The following CTXN2 variants were observed in gnomAD, a reference collection of about 807,000 sequenced individuals.
CTXN2 encodes cortexin-2.
In CTXN2, 3 loss-of-function variants were observed where a neutral mutation model predicts 5.7. The observed-to-expected ratio is 0.53, with a 90% confidence interval of 0.24 to 1.36. CTXN2 has a LOEUF of 1.36. CTXN2 is among the 40% of genes most tolerant of loss of function. CTXN2 has a pLI of 0.17. For synonymous variants in CTXN2, 38 were observed against 36.4 expected (o/e 1.04, Z -0.16); for missense variants, 87 against 93.0 (o/e 0.94, Z 0.26).
chr15:48,186,760 A>G (rs894436464), upstream of CTXN2, among the ~76,000 whole-genome samples: 3 of 151,940 alleles, frequency 2.0e-5, no homozygotes, highest in Admixed American at 6.6e-5. Flanking sequence ...AAAAATAAAA[A>G]TTAGCCAGGC....
chr15:48,179,770 AG>A (rs2040678927), intron 1 of CTXN2, among the ~76,000 whole-genome samples: 1 of 152,226 alleles, frequency 6.6e-6, no homozygotes, highest in African/African-American at 2.4e-5. Context: ...TATCTCCCTA[AG>A]CTCAGCAGGG....
At chr15:48,195,040 A>G (rs1567294148) in intron 1 of CTXN2, among the ~76,000 whole-genome samples, 1 of 152,166 alleles carries the variant, frequency 6.6e-6, no homozygotes, top group African/African-American at 2.4e-5. Flanking sequence ...GATCTGGATA[A>G]ATTTATTGAA....
intron 1 of CTXN2, among the ~76,000 whole-genome samples, chr15:48,198,078 C>T (rs2040896007): frequency 6.6e-6 from 1 of 152,066 alleles, no homozygotes; most frequent in Non-Finnish European, 1.5e-5. Context: ...ATATACCTTT[C>T]CTTAGAAAAC....
chr15:48,180,450 C>T (rs2040691715), intron 1 of CTXN2, among the ~76,000 whole-genome samples: 1 of 152,214 alleles, frequency 6.6e-6, no homozygotes, highest in Non-Finnish European at 1.5e-5. Flanking sequence ...TATTAATATT[C>T]TGTTGCTGAA....
chr15:48,192,056 C>G (rs1440527746), intron 1 of CTXN2: 2 of 316,546 alleles, frequency 6.3e-6, no homozygotes, highest in Admixed American at 3.9e-5. Flanking sequence ...ACCCCTAATG[C>G]TAGCGCCACT....
intron 1 of CTXN2, among the ~76,000 whole-genome samples, chr15:48,180,619 C>T (rs933144519): frequency 1.3e-5 from 2 of 152,208 alleles, no homozygotes; most frequent in Non-Finnish European, 2.9e-5. Context: ...TCATACCGTT[C>T]TCCTGCCTCA....
At chr15:48,194,788 A>G (rs1443937580) in intron 1 of CTXN2, among the ~76,000 whole-genome samples, 2 of 152,110 alleles carry the variant, frequency 1.3e-5, no homozygotes, top group Non-Finnish European at 1.5e-5. Context: ...TCAATCTAGA[A>G]CAAGTCCATC....
rs922468829 is a variant in CTXN2 at position 48,202,897 on chromosome 15, C to T, written c.*1351C>T. The T allele has an allele frequency of 1.2e-5, 2 of 165,196 alleles. No homozygotes were observed. 10.2% of individuals were successfully genotyped at this position (165,196 alleles called of 1,614,324 possible). ...GGAGGAACATAGCAGGAGATAAATA[C>T]AAAAATATTTATGTCCTTTGAAAAC... On this transcript the variant is annotated 3_prime_UTR_variant, in exon 2 of 2. Coordinates refer to ENST00000417307, the MANE Select transcript of CTXN2 (RefSeq NM_001145668.2).
At chr15:48,196,562 A>G (rs984060192) in intron 1 of CTXN2, among the ~76,000 whole-genome samples, 9 of 152,112 alleles carry the variant, frequency 5.9e-5, no homozygotes, top group African/African-American at 1.9e-4. Flanking sequence ...TTATCCAGGC[A>G]TATCTCATAT....
chr15:48,178,527 C>T (rs1348775613), intron 1 of CTXN2: 4 of 346,076 alleles, frequency 1.2e-5, no homozygotes, highest in East Asian at 4.8e-5. Context: ...TGAAAGCCCC[C>T]GGTGGTGGTG....
chr15:48,181,379 G>C (rs1367148768), intron 1 of CTXN2, among the ~76,000 whole-genome samples: 1 of 152,010 alleles, frequency 6.6e-6, no homozygotes, highest in Non-Finnish European at 1.5e-5. Flanking sequence ...AGGTCAGAAG[G>C]AGTCCAGAAA....
At chr15:48,200,660 T>C (rs2040920843) in intron 1 of CTXN2, among the ~76,000 whole-genome samples, 1 of 152,022 alleles carries the variant, frequency 6.6e-6, no homozygotes, top group African/African-American at 2.4e-5. Flanking sequence ...AAAACATAAT[T>C]CCTCTCTTTA....
upstream of CTXN2, chr15:48,191,463 A>G (rs913995476): frequency 3.9e-6 from 1 of 256,028 alleles, no homozygotes; most frequent in Admixed American, 4.5e-5. Flanking sequence ...GCAGAACTGA[A>G]GAATAGAGCC....
chr15:48,196,916 A>G (rs1375544801), intron 1 of CTXN2, among the ~76,000 whole-genome samples: 1 of 151,944 alleles, frequency 6.6e-6, no homozygotes, highest in East Asian at 1.9e-4. Flanking sequence ...TCTTGAAAGT[A>G]TATCTCCAAG....
chr15:48,196,504 G>A (rs914346532), intron 1 of CTXN2, among the ~76,000 whole-genome samples: 3 of 152,004 alleles, frequency 2.0e-5, no homozygotes, highest in Admixed American at 6.6e-5. Context: ...TATAGAACCC[G>A]ATATTTATTA....
At chr15:48,188,769 T>C (rs1454625851), upstream of CTXN2, among the ~76,000 whole-genome samples, 3 of 152,204 alleles carry the variant, frequency 2.0e-5, no homozygotes, top group African/African-American at 7.2e-5. Flanking sequence ...GGCATTCATA[T>C]ATTTCATGCC....
intron 1 of CTXN2, among the ~76,000 whole-genome samples, chr15:48,180,835 G>GTTTT: frequency 6.6e-6 from 1 of 152,246 alleles, no homozygotes; most frequent in Middle Eastern, 3.4e-3. Context: ...TTGTTTGTTT[G>GTTTT]TTTTTTAGTG....
chr15:48,179,465 T>G (rs1034638419), intron 1 of CTXN2, among the ~76,000 whole-genome samples: 7 of 151,944 alleles, frequency 4.6e-5, no homozygotes. Context: ...TCAGAACATT[T>G]TAATGATAAG....
In CTXN2 at chr15:48,191,665, G is replaced by T; in HGVS notation, c.-246G>T. On this transcript the variant is annotated 5_prime_UTR_variant, in exon 1 of 2. Coordinates refer to ENST00000417307, the MANE Select transcript of CTXN2 (RefSeq NM_001145668.2). ...ACTTCGGCGGGCGCCCACGTCCTCT[G>T]TCTCACCAACAGACACAGACATTTA... 1 of 453,450 alleles carries T rather than the reference G, an allele frequency of 2.2e-6. No homozygotes were observed. The highest frequency in any genetic ancestry group is 4.4e-6 in the Non-Finnish European group (1 of 225,216). The allele number at this position is 453,450 out of a possible 1,614,324, so 28.1% of individuals were successfully genotyped here. A position where few individuals can be genotyped will look rare whatever the true frequency, so the allele number is the denominator to read the frequency against.
Sources: gnomAD v4.1 joint callset for allele counts (sites outside exome capture counted in the v4.1 genomes callset) on GRCh38, gnomAD v4.1.1 for gene constraint, MANE v1.5 for transcripts, NCBI Gene and HGNC (gene_info 2026-07-23, HGNC 2026-07-21) for gene names.